CCDC6: variants seen among roughly 807,000 people sequenced by gnomAD.
CCDC6 encodes the protein coiled-coil domain containing 6.
CCDC6 carries 20 observed loss-of-function variants against 56.6 expected under a neutral mutation model. The ratio of observed to expected loss-of-function variants is 0.35; its 90% CI spans 0.25 to 0.51. The LOEUF (loss-of-function observed/expected upper bound fraction) is 0.51. Ranked by LOEUF, CCDC6 falls within the 20% of genes least tolerant of loss-of-function variation. The pLI is 0.95. For missense variants in CCDC6, 367 were observed against 601.1 expected (o/e 0.61, Z 4.07); for synonymous variants, 241 against 234.4 (o/e 1.03, Z -0.26).
At position 59,906,221 on chromosome 10, in the gene CCDC6, T is replaced by C. The variant is rs375942797; in HGVS notation, c.204A>G (p.Gln68=). The C allele has an allele frequency of 1.9e-5, 30 of 1,613,290 alleles. No individual in the cohort carries two copies. In the East Asian group the frequency reaches 2.2e-4, roughly 12 times the overall value. The change falls in exon 1 of 9, where the codon CAA becomes CAG. Residue 68 remains glutamine (Q), a synonymous_variant. Transcript: ENST00000263102. The part of the protein sequence containing the change: ...ELTNRLASLQ[Q]ENKVLKIELE... Reference sequence around the variant, plus strand: ...GCTCTATCTTCAGCACCTTGTTCTCTTGCTGCAGCGAGGCCAGGCGGTTGG... The same window carrying C: ...GCTCTATCTTCAGCACCTTGTTCTCCTGCTGCAGCGAGGCCAGGCGGTTGG...
At chr10:59,850,316 C>G (rs1319678982) in intron 2 of CCDC6, among the ~76,000 whole-genome samples, 1 of 151,878 alleles carries the variant, frequency 6.6e-6, no homozygotes, top group Non-Finnish European at 1.5e-5. Flanking sequence ...ATTGTACACT[C>G]AAAAATGGCT....
At chr10:59,855,632 A>C (rs978844927) in intron 1 of CCDC6, among the ~76,000 whole-genome samples, 4 of 152,198 alleles carry the variant, frequency 2.6e-5, no homozygotes, top group African/African-American at 7.2e-5. Context: ...ATGACTGCTC[A>C]TGGCTACACG....
At chr10:59,899,139 A>G (rs1316834974) in intron 1 of CCDC6, among the ~76,000 whole-genome samples, 1 of 151,988 alleles carries the variant, frequency 6.6e-6, no homozygotes, top group African/African-American at 2.4e-5. Flanking sequence ...AGTTAACACC[A>G]CCCCAAGATC....
chr10:59,841,412 C>T (rs894507908), intron 2 of CCDC6, among the ~76,000 whole-genome samples: 2 of 152,142 alleles, frequency 1.3e-5, no homozygotes, highest in Non-Finnish European at 2.9e-5. Context: ...GTTTTTGATG[C>T]TTTCATATTT....
intron 1 of CCDC6, among the ~76,000 whole-genome samples, chr10:59,859,854 C>T (rs112177593): frequency 2.1e-5 from 2 of 96,754 alleles, no homozygotes; most frequent in Non-Finnish European, 3.8e-5. Context: ...CATTTGAGGC[C>T]GGCATATCAC....
intron 1 of CCDC6, among the ~76,000 whole-genome samples, chr10:59,869,877 C>G (rs1410036382): frequency 6.6e-6 from 1 of 152,186 alleles, no homozygotes; most frequent in Non-Finnish European, 1.5e-5. Context: ...TCCAGCATAT[C>G]TGTTCCCACA....
rs572147966 is a variant in CCDC6, at chr10:59,790,405, G to A, written c.*2512C>T. ...TGTTCAGCCCCCATGAGAAGTGCCCGACTGAGGGAAGTCAGCTTCCCATAG... is the reference window on the plus strand; with the variant it reads ...TGTTCAGCCCCCATGAGAAGTGCCCAACTGAGGGAAGTCAGCTTCCCATAG... On this transcript the variant is annotated 3_prime_UTR_variant, in exon 9 of 9. Transcript: ENST00000263102. 254 of 217,540 alleles carry A rather than the reference G, an allele frequency of 1.2e-3. 2 individuals carry two copies. The highest frequency in any genetic ancestry group is 5.3e-3 in the African/African-American group (237 of 44,478). 13.5% of individuals were successfully genotyped at this position (217,540 alleles called of 1,614,324 possible).
At chr10:59,836,784 T>C (rs2070886987) in intron 2 of CCDC6, among the ~76,000 whole-genome samples, 1 of 152,200 alleles carries the variant, frequency 6.6e-6, no homozygotes, top group Admixed American at 6.5e-5. Flanking sequence ...CAGAATCACA[T>C]AACAATGATC....
At chr10:59,825,114 G>T (rs2070777373) in intron 3 of CCDC6, among the ~76,000 whole-genome samples, 1 of 152,194 alleles carries the variant, frequency 6.6e-6, no homozygotes, top group African/African-American at 2.4e-5. Context: ...CACACTACCT[G>T]TGAATTTAAG....
At chr10:59,892,239 A>G (rs1188250494) in intron 1 of CCDC6, among the ~76,000 whole-genome samples, 1 of 152,224 alleles carries the variant, frequency 6.6e-6, no homozygotes, top group Non-Finnish European at 1.5e-5. Flanking sequence ...CGATAGTACT[A>G]AAGTCAGAAA....
At chr10:59,844,725 C>T (rs561586997) in intron 2 of CCDC6, among the ~76,000 whole-genome samples, 49 of 146,478 alleles carry the variant, frequency 3.3e-4, no homozygotes, top group African/African-American at 1.2e-3. Flanking sequence ...TCATGCCAGC[C>T]TGGGCAACAG....
chr10:59,792,127 C>T lies in CCDC6; in HGVS notation c.*790G>A. On this transcript the variant is annotated 3_prime_UTR_variant, in exon 9 of 9. Coordinates refer to ENST00000263102, the MANE Select transcript of CCDC6 (RefSeq NM_005436.5). Reference sequence around the variant, plus strand: ...AAATCAAATAACACATTCTAATTAGCCATTGAAACCACCGGTGAGTAGGAC... The same window carrying T: ...AAATCAAATAACACATTCTAATTAGTCATTGAAACCACCGGTGAGTAGGAC... The T allele has an allele frequency of 4.3e-6, 1 of 230,832 alleles. No individual in the cohort carries two copies. Among genetic ancestry groups the T allele is most frequent in the Non-Finnish European group, 8.6e-6 (1 of 116,310 alleles). The allele number at this position is 230,832 out of a possible 1,614,324, so 14.3% of individuals were successfully genotyped here. A position where few individuals can be genotyped will look rare whatever the true frequency, so the allele number is the denominator to read the frequency against.
In CCDC6 at chr10:59,791,948, A is replaced by G. The variant is rs902633779; in HGVS notation, c.*969T>C. ...AATATTTTCTGGCCATTATGCCAAG[A>G]TAATGCGATAATGTCCATTTCAAAT... On this transcript the variant is annotated 3_prime_UTR_variant, in exon 9 of 9. Transcript: ENST00000263102. 8 of 220,876 alleles carry G rather than the reference A, an allele frequency of 3.6e-5. No homozygotes were observed. The highest frequency in any genetic ancestry group is 1.8e-4 in the African/African-American group (8 of 44,642). The allele number at this position is 220,876 out of a possible 1,614,324, so 13.7% of individuals were successfully genotyped here.
chr10:59,811,860 T>C (rs542947213), intron 5 of CCDC6, among the ~76,000 whole-genome samples: 10 of 152,174 alleles, frequency 6.6e-5, no homozygotes, highest in African/African-American at 2.4e-4. Flanking sequence ...ATAAGTAAAC[T>C]AGCACAGTTC....
intron 1 of CCDC6, among the ~76,000 whole-genome samples, chr10:59,892,312 C>T (rs113469301): frequency 1.3e-4 from 20 of 152,244 alleles, no homozygotes; most frequent in Admixed American, 4.6e-4. Context: ...GGGAAAAAAA[C>T]CAGATCTTTT....
intron 5 of CCDC6, among the ~76,000 whole-genome samples, chr10:59,808,499 G>A (rs1589036496): frequency 6.6e-6 from 1 of 152,122 alleles, no homozygotes; most frequent in South Asian, 2.1e-4. Flanking sequence ...TACAAAATGT[G>A]GTGTCTACCC....
chr10:59,864,743 A>G (rs2071162821), intron 1 of CCDC6, among the ~76,000 whole-genome samples: 1 of 152,124 alleles, frequency 6.6e-6, no homozygotes, highest in African/African-American at 2.4e-5. Context: ...TTCAGCTGAG[A>G]CCCAAGATCA....
At chr10:59,872,073 T>G (rs1215096633) in intron 1 of CCDC6, among the ~76,000 whole-genome samples, 1 of 152,222 alleles carries the variant, frequency 6.6e-6, no homozygotes, top group East Asian at 1.9e-4. Context: ...TTTTACAAAA[T>G]TGGTTCACAT....
intron 1 of CCDC6, among the ~76,000 whole-genome samples, chr10:59,853,784 A>G (rs1255594992): frequency 6.6e-6 from 1 of 152,172 alleles, no homozygotes; most frequent in Non-Finnish European, 1.5e-5. Context: ...TGAATTTTAA[A>G]AACAGAAGAG....
Sources: gnomAD v4.1 joint callset for allele counts (sites outside exome capture counted in the v4.1 genomes callset) on GRCh38, gnomAD v4.1.1 for gene constraint, MANE v1.5 for transcripts, NCBI Gene and HGNC (gene_info 2026-07-23, HGNC 2026-07-21) for gene names.